Variants in GPX6 observed in about 807,000 individuals in gnomAD.
GPX6 encodes the protein glutathione peroxidase 6.
Under a neutral mutation model 20.0 loss-of-function variants are expected in GPX6, and 21 were observed. The observed-to-expected ratio is 1.05, with a 90% CI of 0.74 to 1.51. The LOEUF (loss-of-function observed/expected upper bound fraction) is 1.51, where lower values mean the gene tolerates loss of function less well. Among genes scored for constraint, GPX6 ranks in the 40% most tolerant of loss-of-function variants. The probability of loss-of-function intolerance (pLI) is 0.00; values close to 1 mark genes in which losing one functional copy is unlikely to be tolerated. For missense variants in GPX6, 233 were observed against 254.7 expected (o/e 0.91, Z 0.58); for synonymous variants, 75 against 98.0 (o/e 0.77, Z 1.38).
intron 3 of GPX6, among the ~76,000 whole-genome samples, chr6:28,506,009 G>A (rs1371342709): frequency 1.3e-5 from 2 of 152,136 alleles, no homozygotes; most frequent in Non-Finnish European, 2.9e-5. Context: ...AAAATTGGAA[G>A]GCAATATTTT....
At chr6:28,506,540 A>C in intron 2 of GPX6, 111 bp from the exon 3 acceptor site, 1 of 705,218 alleles carries the variant, frequency 1.4e-6, no homozygotes, top group Non-Finnish European at 2.6e-6. Context: ...AGGACTAAGA[A>C]GGGAAAGATT....
intron 1 of GPX6, among the ~76,000 whole-genome samples, chr6:28,513,465 A>G (rs1370081395): frequency 6.6e-6 from 1 of 152,168 alleles, no homozygotes; most frequent in Non-Finnish European, 1.5e-5. Context: ...GCAGCGAGCC[A>G]CACGCCCCGT....
In GPX6 at chr6:28,510,851, G is replaced by A. The variant is rs116771534; in HGVS notation, c.141C>T (p.Thr47=). 6.2e-7 allele frequency: 1 copy of A among 1,614,016 alleles called. No individual in the cohort carries two copies. The highest frequency in any genetic ancestry group is 1.1e-5 in the South Asian group (1 of 91,064). The change falls in exon 2 of 5, where the codon ACC becomes ACT. Residue 47 remains threonine (T), a synonymous_variant. Transcript: ENST00000361902. ...ATTGGATGTACTCCTCGCCGTTGAGGGTGAGGGCTCCATACTCATAGATGG... is the reference window on the plus strand; with the variant it reads ...ATTGGATGTACTCCTCGCCGTTGAGAGTGAGGGCTCCATACTCATAGATGG... ...TGTIYEYGAL[T]LNGEEYIQFK...
At chr6:28,512,783 G>C (rs1212070610) in intron 1 of GPX6, among the ~76,000 whole-genome samples, 1 of 152,132 alleles carries the variant, frequency 6.6e-6, no homozygotes, top group Non-Finnish European at 1.5e-5. Context: ...AAGCCAGCGA[G>C]ACCACGAACC....
At chr6:28,513,489 A>C (rs1021881579) in intron 1 of GPX6, among the ~76,000 whole-genome samples, 2 of 152,202 alleles carry the variant, frequency 1.3e-5, no homozygotes, top group African/African-American at 4.8e-5. Context: ...ATGCCTTGTG[A>C]GAGGGACAAG....
chr6:28,509,268 C>T (rs1377951279), intron 2 of GPX6, among the ~76,000 whole-genome samples: 1 of 151,586 alleles, frequency 6.6e-6, no homozygotes, highest in Admixed American at 6.6e-5. Flanking sequence ...GCCTGTAATC[C>T]CAGCACTTTG....
intron 1 of GPX6, among the ~76,000 whole-genome samples, chr6:28,513,863 ATCT>A (rs1448010576): frequency 6.6e-6 from 1 of 152,172 alleles, no homozygotes; most frequent in Non-Finnish European, 1.5e-5. Flanking sequence ...ACTCTTTATC[ATCT>A]TCTGAGTCTG....
chr6:28,513,319 C>CGGT (rs1160959850), intron 1 of GPX6, among the ~76,000 whole-genome samples: 2 of 152,174 alleles, frequency 1.3e-5, no homozygotes, highest in African/African-American at 2.4e-5. Flanking sequence ...TAAGAGCACC[C>CGGT]TGTAACACAC....
intron 1 of GPX6, among the ~76,000 whole-genome samples, chr6:28,513,147 A>T (rs186417856): frequency 6.6e-6 from 1 of 152,270 alleles, no homozygotes; most frequent in Non-Finnish European, 1.5e-5. Flanking sequence ...GATGAGAGCT[A>T]CTTCCACTTA....
At position 28,515,661 on chromosome 6, in the gene GPX6, C is replaced by T; in HGVS notation, c.83G>A (p.Arg28Lys). The stretch of plus-strand genomic sequence containing the variant: ...GATCCCCTGCCCCATGCTCACCTTC[C>T]TATTTTGAGGCTTTAGGGTCTGCTG... Reference protein sequence around the residue: ...FAQQTLKPQNRKVDCNKGVTG... With the variant: ...FAQQTLKPQNKKVDCNKGVTG... The change falls in exon 1 of 5, where the codon AGG (arginine) becomes AAG (lysine). Residue 28 changes from arginine (R) to lysine (K), a missense_variant. By Grantham distance (26) the Arg-to-Lys change is conservative. Transcript: ENST00000361902. The T allele has an allele frequency of 6.2e-7, 1 of 1,613,608 alleles. No individual in the cohort carries two copies. Among genetic ancestry groups the T allele is most frequent in the South Asian group, 1.1e-5 (1 of 91,056 alleles).
intron 2 of GPX6, among the ~76,000 whole-genome samples, chr6:28,509,208 A>G (rs888911285): frequency 5.3e-5 from 8 of 152,016 alleles, no homozygotes; most frequent in African/African-American, 1.4e-4. Context: ...CAATGTGTGG[A>G]AAATTTTTCT....
At chr6:28,509,986 G>A (rs993293823) in intron 2 of GPX6, among the ~76,000 whole-genome samples, 3 of 152,246 alleles carry the variant, frequency 2.0e-5, no homozygotes, top group African/African-American at 7.2e-5. Flanking sequence ...AGTAACCGAT[G>A]AGAAGCATAA....
chr6:28,512,090 GC>G (rs1382449579), intron 1 of GPX6, among the ~76,000 whole-genome samples: 3 of 152,234 alleles, frequency 2.0e-5, no homozygotes, highest in Admixed American at 2.0e-4. Flanking sequence ...GGGCTCCTGC[GC>G]GGCCCGAGCC....
At position 28,503,438 on chromosome 6, in the gene GPX6, TGG is replaced by T. The variant is rs1252897627; in HGVS notation, c.*852_*853del. The T allele has an allele frequency of 6.6e-6, 1 of 152,314 alleles. No homozygotes were observed. The highest frequency in any genetic ancestry group is 2.4e-5 in the African/African-American group (1 of 41,456). 9.4% of individuals were successfully genotyped at this position (152,314 alleles called of 1,614,324 possible). The stretch of plus-strand genomic sequence containing the variant: ...AGTATGACTGGACATAATATGGGAC[TGG>T]GAAAACACCACACAGAGCCAGGTTG... On this transcript the variant is annotated 3_prime_UTR_variant, in exon 5 of 5. Transcript: ENST00000361902.
chr6:28,504,022 A>AACACACAC lies in GPX6; in HGVS notation c.*262_*269dup, dbSNP rs67996303. The AACACACAC allele has an allele frequency of 2.2e-4, 74 of 339,034 alleles. No homozygotes were observed. Among genetic ancestry groups the AACACACAC allele is most frequent in the African/African-American group, 9.9e-4 (45 of 45,510 alleles). 21.0% of individuals were successfully genotyped at this position (339,034 alleles called of 1,614,324 possible). A position where few individuals can be genotyped will look rare whatever the true frequency, so the allele number is the denominator to read the frequency against. ...TAGGTGTTCTTTTCCTTAATCTTCA[A>AACACACAC]ACACACACACACACACACACACACA... On this transcript the variant is annotated 3_prime_UTR_variant, in exon 5 of 5. Coordinates refer to ENST00000361902, the MANE Select transcript of GPX6 (RefSeq NM_182701.1).
intron 1 of GPX6, among the ~76,000 whole-genome samples, chr6:28,513,140 G>A (rs919174778): frequency 1.4e-4 from 21 of 152,204 alleles, no homozygotes; most frequent in Admixed American, 8.5e-4. Flanking sequence ...CCCATCTGAT[G>A]AGAGCTACTT....
chr6:28,507,061 GCTGC>G (rs1762812789), intron 2 of GPX6, among the ~76,000 whole-genome samples: 2 of 152,172 alleles, frequency 1.3e-5, no homozygotes, highest in Non-Finnish European at 2.9e-5. Context: ...CCTAACTGAT[GCTGC>G]AACATGCCCT....
chr6:28,512,671 C>G (rs776166402), intron 1 of GPX6, among the ~76,000 whole-genome samples: 5 of 152,176 alleles, frequency 3.3e-5, no homozygotes, highest in Non-Finnish European at 5.9e-5. Flanking sequence ...GAGCTTTGTT[C>G]TTTCGCTCTT....
intron 1 of GPX6, among the ~76,000 whole-genome samples, chr6:28,512,778 A>G (rs1762917194): frequency 6.6e-6 from 1 of 152,154 alleles, no homozygotes; most frequent in African/African-American, 2.4e-5. Context: ...TCCTGAAGCC[A>G]GCGAGACCAC....
Sources: allele counts gnomAD v4.1 joint callset (sites outside exome capture counted in the v4.1 genomes callset), GRCh38; gene constraint gnomAD v4.1.1; transcripts MANE v1.5; gene names NCBI Gene and HGNC (gene_info 2026-07-23, HGNC 2026-07-21).